Variants in PKHD1L1 observed in about 807,000 individuals in gnomAD.
PKHD1L1 encodes fibrocystin-L.
PKHD1L1 carries 434 observed loss-of-function variants against 462.9 expected under a neutral mutation model. That is an observed-to-expected ratio of 0.94 (90% confidence interval 0.87 to 1.02). The LOEUF is 1.02. PKHD1L1 is among the 50% of genes least tolerant of loss of function. The pLI, the probability that PKHD1L1 is intolerant of heterozygous loss-of-function variation, is 0.00. For missense variants in PKHD1L1, 5,202 were observed against 5,096.1 expected (o/e 1.02, Z -0.63); for synonymous variants, 1,781 against 1,750.0 (o/e 1.02, Z -0.44).
Position 109,510,893 on chromosome 8 carries a change from C to T in PKHD1L1, c.11512C>T (p.Gln3838Ter). 2 of 1,613,272 alleles carry T rather than the reference C, an allele frequency of 1.2e-6. No individual in the cohort carries two copies. Among genetic ancestry groups the T allele is most frequent in the Non-Finnish European group, 1.7e-6 (2 of 1,179,460 alleles). ...YEVYFTGTSPQNLRLMLLNVD... is the reference protein window; with the variant it reads ...YEVYFTGTSP ...AGTTTACTTCACTGGCACCAGTCCT[C>T]AGAATCTTCGACTGATGTTGCTTAA... The change falls in exon 71 of 78, where the codon CAG becomes TAG. Residue 3838 changes from glutamine (Q) to a stop codon, truncating the protein, a stop_gained. Coordinates refer to ENST00000378402, the MANE Select transcript of PKHD1L1 (RefSeq NM_177531.6). LOFTEE classifies it high-confidence loss of function.
intron 41 of PKHD1L1, 100 bp downstream of exon 41, chr8:109,451,249 C>A: frequency 8.1e-7 from 1 of 1,237,082 alleles, no homozygotes; most frequent in Non-Finnish European, 1.1e-6. Flanking sequence ...TACAGTCATG[C>A]AATGTGTACC....
intron 23 of PKHD1L1, among the ~76,000 whole-genome samples, chr8:109,422,971 T>C (rs1025834348): frequency 1.2e-4 from 19 of 152,188 alleles, no homozygotes; most frequent in Non-Finnish European, 2.2e-4. Flanking sequence ...TGGCTAATGA[T>C]GTTGAACATC....
intron 72 of PKHD1L1, among the ~76,000 whole-genome samples, chr8:109,517,261 T>C (rs576919351): frequency 6.6e-6 from 1 of 152,290 alleles, no homozygotes; most frequent in Admixed American, 6.5e-5. Context: ...TGCAAAATAA[T>C]ATCCCTGTGT....
At chr8:109,462,349 C>T (rs1817183556) in intron 48 of PKHD1L1, among the ~76,000 whole-genome samples, 1 of 152,046 alleles carries the variant, frequency 6.6e-6, no homozygotes, top group African/African-American at 2.4e-5. Flanking sequence ...CCTTCAGTGG[C>T]TTCATGGTAT....
intron 2 of PKHD1L1, among the ~76,000 whole-genome samples, chr8:109,367,715 G>A (rs182352270): frequency 2.0e-3 from 300 of 152,236 alleles, no homozygotes; most frequent in African/African-American, 6.7e-3. Context: ...GGGCAATATA[G>A]CAAGACCCTG....
rs1265616822 is a variant in PKHD1L1, at chr8:109,532,282, C to T, written c.*2192C>T. 6.6e-6 allele frequency among the ~76,000 whole-genome samples: 1 copy of T among 152,168 alleles called. No individual in the cohort carries two copies. The highest frequency in any genetic ancestry group is 2.4e-5 in the African/African-American group (1 of 41,458). On this transcript the variant is annotated 3_prime_UTR_variant, in exon 78 of 78. Coordinates refer to ENST00000378402, the MANE Select transcript of PKHD1L1 (RefSeq NM_177531.6). ...AAGTTCCTGTTTTAACTGCTTTAGG[C>T]TTCTGGCTGTCTGCTTTTTAAGAAC...
chr8:109,383,564 T>C (rs1419311975), intron 4 of PKHD1L1, among the ~76,000 whole-genome samples: 1 of 148,104 alleles, frequency 6.8e-6, no homozygotes, highest in Admixed American at 7.0e-5. Context: ...AATGTTCTAA[T>C]ATAAGATGAA....
Position 109,534,349 on chromosome 8 carries a change from G to C in PKHD1L1, c.*4259G>C, listed in dbSNP as rs1197850298. Among the ~76,000 whole-genome samples, 2 of 152,194 alleles carry C rather than the reference G, an allele frequency of 1.3e-5. No individual in the cohort carries two copies. Among genetic ancestry groups the C allele is most frequent in the Admixed American group, 1.3e-4 (2 of 15,290 alleles). Reference sequence around the variant, plus strand: ...ATGGTGGCGGGCACCTGTAGTCTCAGCTAGTCGGGAGGCTGAGGCAGGAGA... The same window carrying C: ...ATGGTGGCGGGCACCTGTAGTCTCACCTAGTCGGGAGGCTGAGGCAGGAGA... On this transcript the variant is annotated 3_prime_UTR_variant, in exon 78 of 78. Transcript: ENST00000378402.
intron 13 of PKHD1L1, among the ~76,000 whole-genome samples, chr8:109,400,698 T>C (rs1389939189): frequency 6.6e-6 from 1 of 152,092 alleles, no homozygotes; most frequent in Non-Finnish European, 1.5e-5. Context: ...ATTTATGTAA[T>C]CACTAGTTTT....
In PKHD1L1 at chr8:109,535,709, A is replaced by G. The variant is rs1265934867; in HGVS notation, c.*5619A>G. On this transcript the variant is annotated 3_prime_UTR_variant, in exon 78 of 78. Transcript: ENST00000378402. ...CTATGAAGAAGGTGTAACAATATTT[A>G]TATTAATCAGACAGCAAAGTAACAA... 6.6e-6 allele frequency among the ~76,000 whole-genome samples: 1 copy of G among 152,256 alleles called. No homozygotes were observed. The highest frequency in any genetic ancestry group is 1.5e-5 in the Non-Finnish European group (1 of 68,038).
intron 53 of PKHD1L1, among the ~76,000 whole-genome samples, chr8:109,478,437 G>A (rs554822894): frequency 6.6e-6 from 1 of 152,138 alleles, no homozygotes; most frequent in Non-Finnish European, 1.5e-5. Flanking sequence ...TGTGATAAAT[G>A]TTATAAAAAA....
intron 14 of PKHD1L1, among the ~76,000 whole-genome samples, chr8:109,403,904 C>G (rs1324613637): frequency 1.3e-5 from 2 of 152,136 alleles, no homozygotes; most frequent in African/African-American, 4.8e-5. Context: ...GTTTTGCACT[C>G]TCTTGTTAAC....
intron 67 of PKHD1L1, among the ~76,000 whole-genome samples, chr8:109,500,817 T>C (rs144380501): frequency 2.0e-5 from 3 of 152,022 alleles, no homozygotes; most frequent in African/African-American, 7.2e-5. Context: ...TTCTATAGAA[T>C]AGGCCTACCT....
intron 19 of PKHD1L1, among the ~76,000 whole-genome samples, chr8:109,410,761 A>G: frequency 1.9e-5 from 1 of 53,282 alleles, no homozygotes; most frequent in South Asian, 5.2e-4. Flanking sequence ...ACGGAGTCTC[A>G]CTCTGTCTCC....
Position 109,382,582 on chromosome 8 carries a change from A to G in PKHD1L1, c.417+11A>G. ...GAATGTACCTTCAACGTATGTAGGAATCTTCTCTTCAGTTTATGTATAGTT... is the reference window on the plus strand; with the variant it reads ...GAATGTACCTTCAACGTATGTAGGAGTCTTCTCTTCAGTTTATGTATAGTT... On this transcript the variant is annotated intron_variant, in intron 4 of 77. Coordinates refer to ENST00000378402, the MANE Select transcript of PKHD1L1 (RefSeq NM_177531.6). 1 of 1,597,226 alleles carries G rather than the reference A, an allele frequency of 6.3e-7. No homozygotes were observed. Among genetic ancestry groups the G allele is most frequent in the Non-Finnish European group, 8.5e-7 (1 of 1,169,716 alleles).
At position 109,479,613 on chromosome 8, in the gene PKHD1L1, C is replaced by G. The variant is rs746172203; in HGVS notation, c.9152C>G (p.Pro3051Arg). Reference sequence around the variant, plus strand: ...GAAAATAATTATACTGTACCTCACCCAGGGGCAAATGTGATTATACCTGAA... The same window carrying G: ...GAAAATAATTATACTGTACCTCACCGAGGGGCAAATGTGATTATACCTGAA... Reference protein sequence around the residue: ...SRENNYTVPHPGANVIIPEGT... With the variant: ...SRENNYTVPHRGANVIIPEGT... Residue 3051 changes from proline to arginine, a missense_variant, in exon 54 of 78, where the codon CCA (proline) becomes CGA (arginine). By Grantham distance (103) the Pro-to-Arg change is moderately radical. Coordinates refer to ENST00000378402, the MANE Select transcript of PKHD1L1 (RefSeq NM_177531.6). The G allele has an allele frequency of 9.2e-6, 14 of 1,524,530 alleles. No homozygotes were observed. The highest frequency in any genetic ancestry group is 1.3e-5 in the Non-Finnish European group (14 of 1,108,728). The allele number at this position is 1,524,530 out of a possible 1,614,324, so 94.4% of individuals were successfully genotyped here.
At chr8:109,429,160 G>T (rs936785480) in intron 25 of PKHD1L1, among the ~76,000 whole-genome samples, 180 bp from the exon 26 acceptor site, 1 of 151,952 alleles carries the variant, frequency 6.6e-6, no homozygotes, top group Non-Finnish European at 1.5e-5. Flanking sequence ...TCTTGGATAG[G>T]TTATGTTCAT....
At chr8:109,399,165 A>G (rs1270927115) in intron 12 of PKHD1L1, among the ~76,000 whole-genome samples, 2 of 151,892 alleles carry the variant, frequency 1.3e-5, no homozygotes, top group Admixed American at 1.3e-4. Context: ...TCGTTTATGA[A>G]CCTCTTAAAT....
chr8:109,388,551 G>T lies in PKHD1L1; in HGVS notation c.623+1G>T. The T allele has an allele frequency of 6.7e-7, 1 of 1,500,610 alleles. No individual in the cohort carries two copies. Among genetic ancestry groups the T allele is most frequent in the Non-Finnish European group, 9.1e-7 (1 of 1,102,624 alleles). 93.0% of individuals were successfully genotyped at this position (1,500,610 alleles called of 1,614,324 possible). On this transcript the variant is annotated splice_donor_variant, in intron 7 of 77. Transcript: ENST00000378402. LOFTEE classifies it high-confidence loss of function. ...TTCTCATACCACAATCTGATAATTT[G>T]TAAGTAATTCAAATTATTTTCTTTA...
Sources: gnomAD v4.1 joint callset for allele counts (sites outside exome capture counted in the v4.1 genomes callset) on GRCh38, gnomAD v4.1.1 for gene constraint, MANE v1.5 for transcripts, NCBI Gene and HGNC (gene_info 2026-07-23, HGNC 2026-07-21) for gene names.